The following STXBP5L variants were observed in gnomAD, a reference collection of about 807,000 sequenced individuals.
STXBP5L encodes the protein syntaxin-binding protein 5-like.
STXBP5L carries 65 observed loss-of-function variants against 144.5 expected under a neutral mutation model. The observed-to-expected ratio is 0.45, with a 90% CI of 0.37 to 0.55. The LOEUF (loss-of-function observed/expected upper bound fraction) is 0.55. Among genes scored for constraint, STXBP5L ranks in the 20% least tolerant of loss-of-function variants. STXBP5L has a pLI of 0.00. For missense variants in STXBP5L, 1,298 were observed against 1,405.5 expected (o/e 0.92, Z 1.22); for synonymous variants, 505 against 469.6 (o/e 1.08, Z -0.97).
intron 8 of STXBP5L, among the ~76,000 whole-genome samples, chr3:121,156,014 T>C (rs1559804363): frequency 6.6e-6 from 1 of 151,794 alleles, no homozygotes. Flanking sequence ...GACTTTCCCT[T>C]GAACCACCTA....
intron 5 of STXBP5L, among the ~76,000 whole-genome samples, chr3:121,082,823 A>C (rs1333341647): frequency 6.6e-6 from 1 of 152,222 alleles, no homozygotes; most frequent in Non-Finnish European, 1.5e-5. Context: ...TTGAATATTG[A>C]GCTAGCCATA....
chr3:121,354,310 G>A lies in STXBP5L; in HGVS notation c.2177-24406G>A, dbSNP rs192319019. Among the ~76,000 whole-genome samples the A allele has an allele frequency of 2.2e-4, 33 of 152,140 alleles. 1 individual carries two copies. In the East Asian group the frequency reaches 5.6e-3, roughly 26 times the overall value. On this transcript the variant is annotated intron_variant, in intron 20 of 26. Transcript: ENST00000471454. ...AAAGTCTCCCATTATTATTGTGTGG[G>A]AGCCTAAGTCTCTTTGTATATCTCT...
intron 10 of STXBP5L, 52 bp downstream of exon 10, chr3:121,206,053 G>A (rs769110674): frequency 9.3e-6 from 10 of 1,076,376 alleles, no homozygotes; most frequent in East Asian, 8.4e-5. Context: ...GACAAAAAAT[G>A]CAGATGACCT....
Position 121,407,370 on chromosome 3 carries a change from G to T in STXBP5L, c.2715G>T (p.Trp905Cys). 1 of 1,612,934 alleles carries T rather than the reference G, an allele frequency of 6.2e-7. No homozygotes were observed. Among genetic ancestry groups the T allele is most frequent in the East Asian group, 2.2e-5 (1 of 44,850 alleles). ...ACATAGATGAAAATGAAAAATCTTGGAGAAGGAAAGTGGTAATGAACTCAT... is the reference window on the plus strand; with the variant it reads ...ACATAGATGAAAATGAAAAATCTTGTAGAAGGAAAGTGGTAATGAACTCAT... Reference protein sequence around the residue: ...PNNIDENEKSWRRKVVMNSSS... With the variant: ...PNNIDENEKSCRRKVVMNSSS... Residue 905 changes from tryptophan to cysteine, a missense_variant, in exon 23 of 27, where the codon TGG becomes TGT. Coordinates refer to ENST00000471454, the MANE Select transcript of STXBP5L (RefSeq NM_001308330.2).
chr3:121,230,933 C>G (rs2049287545), intron 11 of STXBP5L, among the ~76,000 whole-genome samples: 1 of 152,138 alleles, frequency 6.6e-6, no homozygotes, highest in South Asian at 2.1e-4. Context: ...AAGGTTAGCT[C>G]TAGAATCAAT....
intron 19 of STXBP5L, among the ~76,000 whole-genome samples, chr3:121,302,014 T>G (rs1338219784): frequency 6.6e-6 from 1 of 152,182 alleles, no homozygotes; most frequent in Non-Finnish European, 1.5e-5. Context: ...TCTCTTTTTT[T>G]GTTGTGTCTC....
chr3:120,970,673 CTG>C (rs1432917348), intron 3 of STXBP5L, among the ~76,000 whole-genome samples: 1 of 152,120 alleles, frequency 6.6e-6, no homozygotes, highest in African/African-American at 2.4e-5. Context: ...TGGGTGGCCC[CTG>C]AACTTCCTAT....
chr3:121,190,264 C>T (rs532760212), intron 9 of STXBP5L, among the ~76,000 whole-genome samples: 5 of 152,220 alleles, frequency 3.3e-5, no homozygotes, highest in South Asian at 2.1e-4. Context: ...TGACTCTTAG[C>T]GAGCACGCTG....
At chr3:121,173,158 A>G (rs2046794547) in intron 9 of STXBP5L, among the ~76,000 whole-genome samples, 2 of 152,030 alleles carry the variant, frequency 1.3e-5, no homozygotes, top group African/African-American at 4.8e-5. Context: ...GGAGGGGAAC[A>G]TCACACAATG....
chr3:121,058,460 G>C (rs144839682), intron 5 of STXBP5L, among the ~76,000 whole-genome samples: 139 of 152,292 alleles, frequency 9.1e-4, no homozygotes, highest in East Asian at 7.7e-4. Flanking sequence ...CTTTATAGTA[G>C]AATAATTTCT....
At chr3:121,107,104 T>C (rs1434558317) in intron 5 of STXBP5L, among the ~76,000 whole-genome samples, 1 of 152,166 alleles carries the variant, frequency 6.6e-6, no homozygotes, top group South Asian at 2.1e-4. Flanking sequence ...TTTTTTTTCT[T>C]GTAAATTTGT....
rs377131506 is a variant in STXBP5L at position 121,240,469 on chromosome 3, C to A, written c.1362C>A (p.Asn454Lys). 3.1e-6 allele frequency: 5 copies of A among 1,613,400 alleles called. No homozygotes were observed. Among genetic ancestry groups the A allele is most frequent in the Non-Finnish European group, 4.2e-6 (5 of 1,179,688 alleles). The change falls in exon 14 of 27, where the codon AAC (asparagine) becomes AAA (lysine). Residue 454 changes from asparagine (N) to lysine (K), a missense_variant. Transcript: ENST00000471454. ...GGCCAATCAGTGGAGGAGCTTGGAA[C>A]CTTGGAGCACAAACATATCCAGAAA... is the stretch of plus-strand genomic sequence containing the variant. Reference protein sequence around the residue: ...KEWPISGGAWNLGAQTYPEII... With the variant: ...KEWPISGGAWKLGAQTYPEII...
chr3:121,096,821 G>A lies in STXBP5L; in HGVS notation c.471-18104G>A, dbSNP rs147961601. Reference sequence around the variant, plus strand: ...TGTCTCCCATTCAGGAGGTATGGAGGTCAGGGATCCACTTGAGCAGGCAGT... The same window carrying A: ...TGTCTCCCATTCAGGAGGTATGGAGATCAGGGATCCACTTGAGCAGGCAGT... On this transcript the variant is annotated intron_variant, in intron 5 of 26. Coordinates refer to ENST00000471454, the MANE Select transcript of STXBP5L (RefSeq NM_001308330.2). Among the ~76,000 whole-genome samples, 4 of 152,274 alleles carry A rather than the reference G, an allele frequency of 2.6e-5. No homozygotes were observed. In the East Asian group the frequency reaches 7.7e-4, roughly 29 times the overall value.
At position 121,381,402 on chromosome 3, in the gene STXBP5L, GA is replaced by G; in HGVS notation, c.2462del (p.Asn821MetfsTer19). On this transcript the variant is annotated frameshift_variant, in exon 22 of 27. Coordinates refer to ENST00000471454, the MANE Select transcript of STXBP5L (RefSeq NM_001308330.2). LOFTEE classifies it high-confidence loss of function. ...TATACTTCATGGACTCCTTTGCACG[GA>G]AAAATGACTCTACCATCTCTCCTTG... ...ALYFMDSFARKNDSTISPCLF... is the reference protein window; with the variant it reads ...ALYFMDSFARXNDSTISPCLF... 1.2e-6 allele frequency: 2 copies of G among 1,610,050 alleles called. No individual in the cohort carries two copies. Among genetic ancestry groups the G allele is most frequent in the Admixed American group, 1.7e-5 (1 of 58,952 alleles).
chr3:121,048,798 G>A (rs536980829), intron 5 of STXBP5L, among the ~76,000 whole-genome samples: 2 of 151,548 alleles, frequency 1.3e-5, no homozygotes, highest in Admixed American at 1.3e-4. Flanking sequence ...CGATTATCCT[G>A]CCTCAGCCTC....
Position 121,028,965 on chromosome 3 carries a change from C to T in STXBP5L, c.288-12735C>T, listed in dbSNP as rs182311868. ...GAGAATAAAATACCTAGGAATACAA[C>T]ATACAAGGGATGTGAAGGACCTCTT... is the stretch of plus-strand genomic sequence containing the variant. On this transcript the variant is annotated intron_variant, in intron 3 of 26. Coordinates refer to ENST00000471454, the MANE Select transcript of STXBP5L (RefSeq NM_001308330.2). Among the ~76,000 whole-genome samples the T allele has an allele frequency of 2.2e-3, 333 of 152,248 alleles. 13 individuals carry two copies. Among genetic ancestry groups the T allele is most frequent in the Admixed American group, 0.022 (329 of 15,274 alleles).
At position 121,053,827 on chromosome 3, in the gene STXBP5L, G is replaced by A. The variant is rs1043356497; in HGVS notation, c.470+8292G>A. On this transcript the variant is annotated intron_variant, in intron 5 of 26. Coordinates refer to ENST00000471454, the MANE Select transcript of STXBP5L (RefSeq NM_001308330.2). ...ACCTACAAAATGGGAGAAAATTTTC[G>A]CAACCTACTCATCTGACAAAGGGCT... Among the ~76,000 whole-genome samples the A allele has an allele frequency of 5.0e-3, 757 of 151,854 alleles. 4 individuals carry two copies. The highest frequency in any genetic ancestry group is 6.8e-3 in the Middle Eastern group (2 of 294).
At chr3:121,358,582 T>C (rs1347860925) in intron 20 of STXBP5L, among the ~76,000 whole-genome samples, 12 of 152,148 alleles carry the variant, frequency 7.9e-5, no homozygotes, top group Non-Finnish European at 1.5e-4. Context: ...ACCACCACCA[T>C]GATTCAGTCA....
At chr3:121,030,371 C>T (rs1474282471) in intron 3 of STXBP5L, among the ~76,000 whole-genome samples, 1 of 152,030 alleles carries the variant, frequency 6.6e-6, no homozygotes, top group Admixed American at 6.6e-5. Context: ...GAGTTCATGT[C>T]CTTTGCAGGG....
Sources: gnomAD v4.1 joint callset for allele counts (sites outside exome capture counted in the v4.1 genomes callset) on GRCh38, gnomAD v4.1.1 for gene constraint, MANE v1.5 for transcripts, NCBI Gene and HGNC (gene_info 2026-07-23, HGNC 2026-07-21) for gene names.